The following TFCP2L1 variants were observed in gnomAD, a reference collection of about 807,000 sequenced individuals.
TFCP2L1 encodes transcription factor CP2-like protein 1.
Under a neutral mutation model 72.2 loss-of-function variants are expected in TFCP2L1, and 12 were observed. That is an observed-to-expected ratio of 0.17 (90% CI 0.11 to 0.27). TFCP2L1 has a LOEUF of 0.27. Ranked by LOEUF, TFCP2L1 falls within the 10% of genes least tolerant of loss-of-function variation. The pLI, the probability that TFCP2L1 is intolerant of heterozygous loss-of-function variation, is 1.00. For synonymous variants in TFCP2L1, 260 were observed against 251.0 expected (o/e 1.04, Z -0.34); for missense variants, 488 against 624.6 (o/e 0.78, Z 2.33).
intron 6 of TFCP2L1, among the ~76,000 whole-genome samples, chr2:121,246,421 G>A (rs1184036733): frequency 1.3e-5 from 2 of 152,216 alleles, no homozygotes; most frequent in Non-Finnish European, 2.9e-5. Flanking sequence ...AGCAGGGAGA[G>A]ACTCTTGCTT....
Position 121,218,644 on chromosome 2 carries a change from T to TC in TFCP2L1, c.*5696dup, listed in dbSNP as rs1685876539. The TC allele has an allele frequency of 6.6e-6, 1 of 152,226 alleles. No individual in the cohort carries two copies. Among genetic ancestry groups the TC allele is most frequent in the African/African-American group, 2.4e-5 (1 of 41,406 alleles). The allele number at this position is 152,226 out of a possible 1,614,324, so 9.4% of individuals were successfully genotyped here. ...CTGGGGCCCAAGCACTGACCGTCCT[T>TC]CCCCACCTTATCCCATCAGCTGCCC... On this transcript the variant is annotated 3_prime_UTR_variant, in exon 15 of 15. Transcript: ENST00000263707.
intron 2 of TFCP2L1, among the ~76,000 whole-genome samples, chr2:121,260,965 G>A (rs1686820841): frequency 6.6e-6 from 1 of 152,238 alleles, no homozygotes; most frequent in African/African-American, 2.4e-5. Context: ...ATCATTACCA[G>A]TGAGAAAGGA....
At chr2:121,248,915 C>T (rs182797561) in intron 4 of TFCP2L1, 67 bp downstream of exon 4, 395 of 1,315,754 alleles carry the variant, frequency 3.0e-4, no homozygotes, top group South Asian at 1.3e-4. Flanking sequence ...GGGTGGCATC[C>T]AGGAAGAACC....
chr2:121,275,533 C>T (rs986856938), intron 2 of TFCP2L1, among the ~76,000 whole-genome samples: 4 of 150,112 alleles, frequency 2.7e-5, no homozygotes, highest in Non-Finnish European at 5.9e-5. Context: ...TAATCTCATC[C>T]ATTTGTTTTT....
chr2:121,238,402 G>GCACAAGCTTCCTCGGGGGCC (rs1252371458), intron 8 of TFCP2L1, among the ~76,000 whole-genome samples: 3 of 152,176 alleles, frequency 2.0e-5, no homozygotes, highest in Non-Finnish European at 4.4e-5. Flanking sequence ...GAGAGGGGGT[G>GCACAAGCTTCCTCGGGGGCC]CACAAGCTTC....
rs1685957208 is a variant in TFCP2L1 at position 121,223,113 on chromosome 2, T to C, written c.*1228A>G. ...AGCACTTCATTCCACAGAAGCTCCA[T>C]TTAGAAGCTATGACATCCCATTCAG... is the stretch of plus-strand genomic sequence containing the variant. On this transcript the variant is annotated 3_prime_UTR_variant, in exon 15 of 15. Transcript: ENST00000263707. The C allele has an allele frequency of 5.3e-5, 8 of 152,176 alleles. No individual in the cohort carries two copies. Among genetic ancestry groups the C allele is most frequent in the Admixed American group, 5.2e-4 (8 of 15,274 alleles). The allele number at this position is 152,176 out of a possible 1,614,324, so 9.4% of individuals were successfully genotyped here.
chr2:121,254,815 A>G (rs1161043756), intron 2 of TFCP2L1, among the ~76,000 whole-genome samples: 3 of 152,022 alleles, frequency 2.0e-5, no homozygotes, highest in African/African-American at 7.2e-5. Flanking sequence ...AAAAAAAAAA[A>G]AGGAAGAAAT....
intron 2 of TFCP2L1, among the ~76,000 whole-genome samples, chr2:121,271,295 T>C (rs1469082452): frequency 6.6e-6 from 1 of 151,976 alleles, no homozygotes; most frequent in African/African-American, 2.4e-5. Context: ...GGCGAACATA[T>C]ATAAGGTTAT....
At chr2:121,229,950 G>A (rs1320634809) in intron 13 of TFCP2L1, among the ~76,000 whole-genome samples, 3 of 152,154 alleles carry the variant, frequency 2.0e-5, no homozygotes, top group African/African-American at 7.2e-5. Context: ...CAAAGGCAAG[G>A]ACCAGGGATG....
intron 7 of TFCP2L1, chr2:121,240,419 T>A: frequency 1.0e-6 from 1 of 985,400 alleles, no homozygotes; most frequent in Non-Finnish European, 1.2e-6. Context: ...AGAGGGCCAA[T>A]TTGAAGCATT....
chr2:121,260,132 A>C (rs1230591746), intron 2 of TFCP2L1, among the ~76,000 whole-genome samples: 1 of 152,158 alleles, frequency 6.6e-6, no homozygotes, highest in African/African-American at 2.4e-5. Context: ...CCCACAGTAC[A>C]CTAGGACCGT....
intron 7 of TFCP2L1, among the ~76,000 whole-genome samples, 167 bp downstream of exon 7, chr2:121,242,192 G>A (rs1686387309): frequency 6.6e-6 from 1 of 151,766 alleles, no homozygotes; most frequent in South Asian, 2.1e-4. Context: ...GGGCCACTGG[G>A]TCTTATCAGA....
intron 2 of TFCP2L1, among the ~76,000 whole-genome samples, chr2:121,260,377 G>A (rs1006168412): frequency 6.6e-6 from 1 of 152,190 alleles, no homozygotes; most frequent in Admixed American, 6.5e-5. Context: ...TCTGCAAAAT[G>A]TTCTTTGCAG....
At chr2:121,272,322 C>T (rs1374639570) in intron 2 of TFCP2L1, among the ~76,000 whole-genome samples, 2 of 152,192 alleles carry the variant, frequency 1.3e-5, no homozygotes, top group Non-Finnish European at 2.9e-5. Context: ...AAGTACCACC[C>T]TAAAGGCTGA....
chr2:121,243,149 G>A (rs539975701), intron 6 of TFCP2L1, among the ~76,000 whole-genome samples: 1 of 152,304 alleles, frequency 6.6e-6, no homozygotes, highest in South Asian at 2.1e-4. Flanking sequence ...GCGCCTTCTC[G>A]ACCTTGCTAT....
Position 121,285,029 on chromosome 2 carries a change from G to C in TFCP2L1, c.62+19C>G. ...GCCGGCCCGGCCCGAGACCCGCGGG[G>C]ACCGCGCGCGGCCCTTACCGCAGGT... On this transcript the variant is annotated intron_variant, in intron 1 of 14. Coordinates refer to ENST00000263707, the MANE Select transcript of TFCP2L1 (RefSeq NM_014553.3). 1.4e-6 allele frequency: 2 copies of C among 1,479,986 alleles called. No homozygotes were observed. Among genetic ancestry groups the C allele is most frequent in the South Asian group, 2.6e-5 (2 of 77,168 alleles). 91.7% of individuals were successfully genotyped at this position (1,479,986 alleles called of 1,614,324 possible).
At chr2:121,268,961 G>C (rs1039803487) in intron 2 of TFCP2L1, among the ~76,000 whole-genome samples, 1 of 151,562 alleles carries the variant, frequency 6.6e-6, no homozygotes, top group African/African-American at 2.4e-5. Context: ...CAGAGTTGGA[G>C]CCCTAATGTA....
chr2:121,274,085 C>G (rs1266937697), intron 2 of TFCP2L1, among the ~76,000 whole-genome samples: 1 of 142,988 alleles, frequency 7.0e-6, no homozygotes, highest in Admixed American at 7.1e-5. Flanking sequence ...CAGAGCGAGA[C>G]TCTGTCTCCA....
chr2:121,272,537 C>T (rs1237726353), intron 2 of TFCP2L1, among the ~76,000 whole-genome samples: 1 of 152,160 alleles, frequency 6.6e-6, no homozygotes, highest in African/African-American at 2.4e-5. Flanking sequence ...CCAAAGCTAC[C>T]ACCGTTTAAC....
Sources: allele counts gnomAD v4.1 joint callset (sites outside exome capture counted in the v4.1 genomes callset), GRCh38; gene constraint gnomAD v4.1.1; transcripts MANE v1.5; gene names NCBI Gene and HGNC (gene_info 2026-07-23, HGNC 2026-07-21).